Variants in OSBPL1A observed in about 807,000 individuals in gnomAD.
The protein encoded by OSBPL1A is oxysterol-binding protein-related protein 1.
A neutral mutation model predicts 137.1 loss-of-function variants in OSBPL1A; 80 were observed. The ratio of observed to expected loss-of-function variants is 0.58; its 90% confidence interval spans 0.49 to 0.70. The LOEUF is 0.70. Ranked by LOEUF, OSBPL1A falls within the 30% of genes least tolerant of loss-of-function variation. OSBPL1A has a pLI of 0.00. For synonymous variants in OSBPL1A, 365 were observed against 389.7 expected, an observed-to-expected ratio of 0.94 and a Z score of 0.75; for missense variants, 970 against 1,129.4, an observed-to-expected ratio of 0.86 and a Z score of 2.02.
intron 15 of OSBPL1A, among the ~76,000 whole-genome samples, chr18:24,245,474 C>T (rs566428970): frequency 1.1e-4 from 16 of 152,196 alleles, no homozygotes; most frequent in Non-Finnish European, 1.8e-4. Context: ...TGACTCCCTG[C>T]TGTTGACACA....
intron 4 of OSBPL1A, among the ~76,000 whole-genome samples, chr18:24,360,816 G>GAGT (rs1238745057): frequency 6.6e-6 from 1 of 152,150 alleles, no homozygotes; most frequent in Non-Finnish European, 1.5e-5. Flanking sequence ...GTGTGTATGT[G>GAGT]AGTGGCCCTG....
intron 14 of OSBPL1A, among the ~76,000 whole-genome samples, chr18:24,282,209 CAG>C (rs917349380): frequency 1.3e-5 from 2 of 151,250 alleles, no homozygotes; most frequent in African/African-American, 4.9e-5. Context: ...AATTAAACAA[CAG>C]GGTAATGTTT....
intron 7 of OSBPL1A, among the ~76,000 whole-genome samples, chr18:24,326,581 C>T (rs1318075085): frequency 5.3e-5 from 8 of 152,218 alleles, no homozygotes. Flanking sequence ...AACAGCTGGT[C>T]TGCTAGAAGA....
intron 16 of OSBPL1A, among the ~76,000 whole-genome samples, chr18:24,230,909 T>C (rs1395096183): frequency 1.3e-5 from 2 of 152,190 alleles, no homozygotes; most frequent in Non-Finnish European, 2.9e-5. Context: ...TTTACTCCCA[T>C]CTAGTTCCAA....
At chr18:24,269,058 C>T (rs79558153) in intron 15 of OSBPL1A, among the ~76,000 whole-genome samples, 6,142 of 152,208 alleles carry the variant, frequency 0.04, 392 homozygotes, top group African/African-American at 0.14. Flanking sequence ...CCTATTCATG[C>T]CGTTTGTTTC....
At chr18:24,212,311 G>C (rs1178165491) in intron 17 of OSBPL1A, among the ~76,000 whole-genome samples, 4 of 151,880 alleles carry the variant, frequency 2.6e-5, no homozygotes, top group Non-Finnish European at 5.9e-5. Context: ...ACCCGCCTCA[G>C]CCTCCCAAAG....
At chr18:24,176,125 C>G (rs1040168446) in intron 21 of OSBPL1A, among the ~76,000 whole-genome samples, 31 of 152,206 alleles carry the variant, frequency 2.0e-4, no homozygotes, top group Admixed American at 8.5e-4. Context: ...TTTGGCTGTT[C>G]TGTCATTTGC....
intron 15 of OSBPL1A, among the ~76,000 whole-genome samples, chr18:24,258,800 A>G (rs2089359473): frequency 6.6e-6 from 1 of 152,088 alleles, no homozygotes; most frequent in African/African-American, 2.4e-5. Flanking sequence ...GATATTAAAT[A>G]TATTGCCAAT....
intron 14 of OSBPL1A, among the ~76,000 whole-genome samples, chr18:24,289,478 A>G (rs185269457): frequency 3.0e-4 from 42 of 138,324 alleles, no homozygotes; most frequent in Non-Finnish European, 5.6e-4. Flanking sequence ...CTGCAATGCA[A>G]TGGCATGATC....
intron 14 of OSBPL1A, among the ~76,000 whole-genome samples, chr18:24,293,213 A>G (rs753005694): frequency 2.0e-5 from 3 of 152,100 alleles, no homozygotes; most frequent in African/African-American, 4.8e-5. Context: ...TTGAAGTAAC[A>G]GAGACTGGCG....
intron 9 of OSBPL1A, 85 bp from the exon 10 acceptor site, chr18:24,317,485 G>T: frequency 9.3e-7 from 1 of 1,073,952 alleles, no homozygotes; most frequent in Non-Finnish European, 1.4e-6. Context: ...AGTGAGGACA[G>T]TCATATTTGA....
intron 17 of OSBPL1A, among the ~76,000 whole-genome samples, chr18:24,197,255 G>A (rs1359003895): frequency 1.3e-5 from 2 of 152,170 alleles, no homozygotes; most frequent in South Asian, 2.1e-4. Context: ...GCTGAGACAG[G>A]AGAATCACTT....
chr18:24,226,887 A>ATTTTTTTTTTTTT (rs5823416), intron 16 of OSBPL1A, among the ~76,000 whole-genome samples: 1 of 100,860 alleles, frequency 9.9e-6, no homozygotes, highest in Non-Finnish European at 1.9e-5. Flanking sequence ...AAAGAAACAG[A>ATTTTTTTTTTTTT]TTTTTTTTTT....
intron 5 of OSBPL1A, 110 bp downstream of exon 5, chr18:24,341,437 C>T: frequency 1.5e-6 from 1 of 687,830 alleles, no homozygotes; most frequent in Admixed American, 2.8e-5. Context: ...ATCATTAGAG[C>T]ATCAGCTGGT....
chr18:24,219,403 T>C (rs1398427825), intron 17 of OSBPL1A, among the ~76,000 whole-genome samples: 2 of 152,210 alleles, frequency 1.3e-5, no homozygotes, highest in African/African-American at 4.8e-5. Flanking sequence ...GTTCATTATA[T>C]TATTCTACTT....
intron 17 of OSBPL1A, among the ~76,000 whole-genome samples, chr18:24,201,929 C>G (rs2087233559): frequency 6.6e-6 from 1 of 152,012 alleles, no homozygotes; most frequent in African/African-American, 2.4e-5. Context: ...TAGAGGCCCT[C>G]TGAAAAAAAG....
chr18:24,361,736 G>C (rs2091623049), intron 4 of OSBPL1A, among the ~76,000 whole-genome samples: 1 of 152,096 alleles, frequency 6.6e-6, no homozygotes, highest in South Asian at 2.1e-4. Context: ...CTACAGACTG[G>C]GTGCAGTGGC....
intron 15 of OSBPL1A, 38 bp downstream of exon 15, chr18:24,280,804 A>C: frequency 1.4e-6 from 2 of 1,443,244 alleles, no homozygotes. Flanking sequence ...TGCAACATCC[A>C]AACAATTATT....
At chr18:24,320,112 G>A (rs1372170508) in intron 7 of OSBPL1A, among the ~76,000 whole-genome samples, 1 of 151,964 alleles carries the variant, frequency 6.6e-6, no homozygotes, top group Non-Finnish European at 1.5e-5. Flanking sequence ...GGCTGGGGGT[G>A]GTTTAAAATA....
Sources: allele counts gnomAD v4.1 joint callset (sites outside exome capture counted in the v4.1 genomes callset), GRCh38; gene constraint gnomAD v4.1.1; transcripts MANE v1.5; gene names NCBI Gene and HGNC (gene_info 2026-07-23, HGNC 2026-07-21).